DPP6: variants seen among roughly 807,000 people sequenced by gnomAD.
DPP6 encodes the protein dipeptidyl peptidase like 6, also known as A-type potassium channel modulatory protein DPP6.
In DPP6, 69 loss-of-function variants were observed where a neutral mutation model predicts 122.6. The observed-to-expected ratio is 0.56, with a 90% CI of 0.46 to 0.69. The LOEUF is 0.69. Ranked by LOEUF, DPP6 falls within the 30% of genes least tolerant of loss-of-function variation. DPP6 has a pLI of 0.00. For missense variants in DPP6, 928 were observed against 1,116.9 expected, an observed-to-expected ratio of 0.83 and a Z score of 2.41; for synonymous variants, 418 against 433.1, an observed-to-expected ratio of 0.97 and a Z score of 0.43.
the DPP6 span, among the ~76,000 whole-genome samples, chr7:153,753,509 GA>G: frequency 1.3e-5 from 2 of 150,864 alleles, no homozygotes; most frequent in African/African-American, 2.4e-5. Flanking sequence ...CACCAGGTCC[GA>G]AAAAACTCTC....
intron 1 of DPP6, among the ~76,000 whole-genome samples, chr7:154,362,847 T>C (rs1389983448): frequency 1.3e-5 from 2 of 152,166 alleles, no homozygotes; most frequent in Non-Finnish European, 2.9e-5. Context: ...GCCTGGCTGC[T>C]CCGAGTGCAG....
chr7:154,378,985 A>G (rs948530900), intron 1 of DPP6, among the ~76,000 whole-genome samples: 2 of 152,166 alleles, frequency 1.3e-5, no homozygotes, highest in Non-Finnish European at 2.9e-5. Context: ...CCCTCCCTCA[A>G]CGTGTGGGGA....
intron 1 of DPP6, among the ~76,000 whole-genome samples, chr7:154,177,782 C>T (rs1385958870): frequency 2.0e-5 from 3 of 152,184 alleles, no homozygotes; most frequent in Non-Finnish European, 4.4e-5. Context: ...AGGAGTAATA[C>T]GGTACTTTGA....
intron 5 of DPP6, among the ~76,000 whole-genome samples, chr7:154,611,336 G>A (rs1833898035): frequency 6.6e-6 from 1 of 152,102 alleles, no homozygotes; most frequent in Non-Finnish European, 1.5e-5. Context: ...CGGGCAGAGT[G>A]TATTATTCAT....
At chr7:154,855,220 C>A (rs1459326709) in intron 17 of DPP6, among the ~76,000 whole-genome samples, 1 of 152,128 alleles carries the variant, frequency 6.6e-6, no homozygotes, top group Non-Finnish European at 1.5e-5. Flanking sequence ...CCAATAATCC[C>A]AAATAATGAT....
At chr7:153,774,141 A>G in the DPP6 span, among the ~76,000 whole-genome samples, 11 of 152,182 alleles carry the variant, frequency 7.2e-5, no homozygotes, top group South Asian at 2.1e-4. Flanking sequence ...GGCAGAAACA[A>G]TTTAGTAAAG....
the DPP6 span, among the ~76,000 whole-genome samples, chr7:153,817,927 A>C: frequency 6.6e-6 from 1 of 152,070 alleles, no homozygotes; most frequent in Non-Finnish European, 1.5e-5. Flanking sequence ...AATAATTAAA[A>C]AAAACACTAG....
intron 1 of DPP6, among the ~76,000 whole-genome samples, chr7:153,927,479 A>G (rs993339930): frequency 2.0e-5 from 3 of 152,216 alleles, no homozygotes; most frequent in South Asian, 2.1e-4. Flanking sequence ...CATATACTGT[A>G]TGGAATTGTG....
In DPP6 at chr7:154,335,387, C is replaced by A. The variant is rs748302773; in HGVS notation, c.244-110827C>A. 1.1e-3 allele frequency among the ~76,000 whole-genome samples: 172 copies of A among 152,310 alleles called. 3 individuals are homozygous for A. The highest frequency in any genetic ancestry group is 6.8e-3 in the Middle Eastern group (2 of 292). ...GAGTACTTATTTCACCTAACAAATA[C>A]CTAACAAATATTGATATTTTGCCAC... On this transcript the variant is annotated intron_variant, in intron 1 of 25. Transcript: ENST00000377770.
intron 1 of DPP6, among the ~76,000 whole-genome samples, chr7:154,125,314 C>A (rs190400718): frequency 6.6e-6 from 1 of 152,320 alleles, no homozygotes; most frequent in Non-Finnish European, 1.5e-5. Flanking sequence ...AGAGTCCTAC[C>A]TGCTTCTGTT....
chr7:153,859,582 G>A, the DPP6 span, among the ~76,000 whole-genome samples: 1 of 152,156 alleles, frequency 6.6e-6, no homozygotes, highest in Admixed American at 6.6e-5. Flanking sequence ...ACTAGTGTGG[G>A]CATCATCCTG....
chr7:154,544,550 A>G (rs1048013488), intron 4 of DPP6, among the ~76,000 whole-genome samples: 1 of 152,218 alleles, frequency 6.6e-6, no homozygotes, highest in Non-Finnish European at 1.5e-5. Flanking sequence ...AATAGAGTTG[A>G]GCAGTTTTCC....
intron 1 of DPP6, among the ~76,000 whole-genome samples, chr7:154,360,229 T>C (rs1048694317): frequency 1.3e-5 from 2 of 152,166 alleles, no homozygotes; most frequent in African/African-American, 4.8e-5. Context: ...TGACACTGCC[T>C]GAGGAGCTAT....
At position 154,061,697 on chromosome 7, in the gene DPP6, A is replaced by AG. The variant is rs1205664518; in HGVS notation, c.243+8641dup. Among the ~76,000 whole-genome samples, 31 of 62,346 alleles carry AG rather than the reference A, an allele frequency of 5.0e-4. 2 individuals carry two copies. The highest frequency in any genetic ancestry group is 7.9e-3 in the Middle Eastern group (1 of 126). The allele number at this position is 62,346 out of a possible 152,430, so 40.9% of individuals were successfully genotyped here. A position where few individuals can be genotyped will look rare whatever the true frequency, so the allele number is the denominator to read the frequency against. Reference sequence around the variant, plus strand: ...CCCTGGCTCTTGGGACCACCATCGCAGGGGGGGAGGCAATCCCCGCGAGGC... The same window carrying AG: ...CCCTGGCTCTTGGGACCACCATCGCAGGGGGGGGAGGCAATCCCCGCGAGGC... On this transcript the variant is annotated intron_variant, in intron 1 of 25. Transcript: ENST00000377770.
chr7:154,705,103 C>T (rs1012340324), intron 7 of DPP6, among the ~76,000 whole-genome samples: 1 of 151,984 alleles, frequency 6.6e-6, no homozygotes, highest in Non-Finnish European at 1.5e-5. Flanking sequence ...AAACCTGGTA[C>T]AAGGAAAAGC....
intron 7 of DPP6, among the ~76,000 whole-genome samples, chr7:154,684,724 G>C (rs59658901): frequency 6.6e-6 from 1 of 152,084 alleles, no homozygotes. Flanking sequence ...ATGATTGCAC[G>C]TACATGTATC....
intron 1 of DPP6, among the ~76,000 whole-genome samples, chr7:154,090,924 T>C (rs1016052684): frequency 5.4e-5 from 8 of 148,772 alleles, no homozygotes; most frequent in African/African-American, 1.7e-4. Context: ...ATCGAGACCA[T>C]CCTGGCTAAC....
At chr7:153,947,052 T>C (rs992492477) in intron 1 of DPP6, among the ~76,000 whole-genome samples, 7 of 152,132 alleles carry the variant, frequency 4.6e-5, no homozygotes, top group African/African-American at 1.7e-4. Context: ...TTCACAAGGG[T>C]GTGCCGTGAT....
chr7:154,549,913 T>A (rs188726050), intron 4 of DPP6, among the ~76,000 whole-genome samples: 98 of 152,332 alleles, frequency 6.4e-4, no homozygotes, highest in African/African-American at 2.2e-3. Context: ...CAGAGAAAGG[T>A]AAATGTTTTA....
Sources: gnomAD v4.1 joint callset for allele counts (sites outside exome capture counted in the v4.1 genomes callset) on GRCh38, gnomAD v4.1.1 for gene constraint, MANE v1.5 for transcripts, NCBI Gene and HGNC (gene_info 2026-07-23, HGNC 2026-07-21) for gene names.